The following NCKAP5 variants were observed in gnomAD, a reference collection of about 807,000 sequenced individuals.
NCKAP5 encodes nck-associated protein 5.
A neutral mutation model predicts 167.0 loss-of-function variants in NCKAP5; 92 were observed. The observed-to-expected ratio is 0.55, with a 90% CI of 0.47 to 0.66. The LOEUF (loss-of-function observed/expected upper bound fraction) is 0.66, where lower values mean the gene tolerates loss of function less well. Ranked by LOEUF, NCKAP5 falls within the 30% of genes least tolerant of loss-of-function variation. The pLI is 0.00. For missense variants in NCKAP5, 2,378 were observed against 2,315.0 expected, an observed-to-expected ratio of 1.03 and a Z score of -0.56; for synonymous variants, 891 against 877.4, an observed-to-expected ratio of 1.02 and a Z score of -0.27.
intron 11 of NCKAP5, among the ~76,000 whole-genome samples, chr2:132,830,687 C>A (rs558501273): frequency 6.6e-6 from 1 of 152,280 alleles, no homozygotes; most frequent in South Asian, 2.1e-4. Flanking sequence ...CTGGGAGTGA[C>A]AAGGGTCCCT....
At chr2:132,790,532 G>T (rs1157570411) in intron 12 of NCKAP5, among the ~76,000 whole-genome samples, 1 of 152,208 alleles carries the variant, frequency 6.6e-6, no homozygotes, top group African/African-American at 2.4e-5. Flanking sequence ...CAGAATGGTT[G>T]TATGGGTGCT....
At chr2:133,357,586 AATGGGTTTGC>A (rs1226227290) in intron 3 of NCKAP5, among the ~76,000 whole-genome samples, 1 of 152,166 alleles carries the variant, frequency 6.6e-6, no homozygotes, top group African/African-American at 2.4e-5. Flanking sequence ...AAAAGGTACA[AATGGGTTTGC>A]ATGAAGCTTG....
At chr2:133,030,443 G>A (rs1463539686) in intron 6 of NCKAP5, among the ~76,000 whole-genome samples, 4 of 152,168 alleles carry the variant, frequency 2.6e-5, no homozygotes, top group Admixed American at 6.5e-5. Flanking sequence ...TCAGTTCTCA[G>A]AAGAAGGTGT....
At chr2:132,862,709 G>A (rs1410557083) in intron 10 of NCKAP5, among the ~76,000 whole-genome samples, 4 of 148,618 alleles carry the variant, frequency 2.7e-5, no homozygotes, top group African/African-American at 5.0e-5. Context: ...GCCGTCAGCC[G>A]AGATCGTGCC....
intron 16 of NCKAP5, among the ~76,000 whole-genome samples, chr2:132,757,186 C>T (rs1680622599): frequency 6.6e-6 from 1 of 152,158 alleles, no homozygotes; most frequent in South Asian, 2.1e-4. Flanking sequence ...TTATCTGATC[C>T]TGTGCAAAAT....
At chr2:132,895,287 C>T (rs1004061408) in intron 8 of NCKAP5, among the ~76,000 whole-genome samples, 14 of 146,818 alleles carry the variant, frequency 9.5e-5, no homozygotes. Flanking sequence ...GCCGAGATCG[C>T]GTCACTGCAC....
Position 132,721,197 on chromosome 2 carries a change from A to G in NCKAP5, c.5713+4430T>C, listed in dbSNP as rs190527418. On this transcript the variant is annotated intron_variant, in intron 19 of 19. Transcript: ENST00000409261. ...GCGGTGGGTGCCTGTAATCCCAGCT[A>G]CTCGGGAGGCTGAGGCAGGAGAATC... Among the ~76,000 whole-genome samples the G allele has an allele frequency of 6.0e-3, 914 of 152,012 alleles. 6 individuals are homozygous for G. Among genetic ancestry groups the G allele is most frequent in the Middle Eastern group, 0.041 (12 of 294 alleles).
chr2:133,138,335 T>C (rs1434989884), intron 5 of NCKAP5, among the ~76,000 whole-genome samples: 1 of 152,192 alleles, frequency 6.6e-6, no homozygotes, highest in Admixed American at 6.5e-5. Context: ...CAAGAGAAAG[T>C]AAGTTGTTTA....
intron 11 of NCKAP5, among the ~76,000 whole-genome samples, chr2:132,804,458 T>C (rs1023237226): frequency 3.9e-5 from 6 of 152,224 alleles, no homozygotes; most frequent in Admixed American, 3.3e-4. Context: ...TTAATCAAGC[T>C]TTATTTTTGA....
chr2:132,887,551 G>T (rs6731389), intron 8 of NCKAP5, among the ~76,000 whole-genome samples: 5 of 151,926 alleles, frequency 3.3e-5, no homozygotes, highest in Non-Finnish European at 7.4e-5. Context: ...TCTCCACAGC[G>T]CACACCATCT....
chr2:133,479,139 A>C (rs1373500667), intron 3 of NCKAP5, among the ~76,000 whole-genome samples: 2 of 152,196 alleles, frequency 1.3e-5, no homozygotes, highest in African/African-American at 2.4e-5. Context: ...AACAATCAGC[A>C]AGTGTTCTTC....
chr2:133,001,325 T>C (rs933465138), intron 6 of NCKAP5, among the ~76,000 whole-genome samples: 2 of 151,670 alleles, frequency 1.3e-5, no homozygotes, highest in African/African-American at 4.8e-5. Flanking sequence ...GCTCAAGTGA[T>C]TGTCCAGCCT....
At chr2:133,587,196 C>A in the NCKAP5 span, among the ~76,000 whole-genome samples, 3 of 152,250 alleles carry the variant, frequency 2.0e-5, no homozygotes, top group Admixed American at 2.0e-4. Context: ...GCATGAGAGG[C>A]CGGGAGCCAG....
At chr2:132,862,503 A>T (rs1689990178) in intron 10 of NCKAP5, among the ~76,000 whole-genome samples, 1 of 152,226 alleles carries the variant, frequency 6.6e-6, no homozygotes, top group South Asian at 2.1e-4. Flanking sequence ...ACTCATGAGC[A>T]CACATGCCAT....
At chr2:132,785,818 G>T in intron 13 of NCKAP5, 100 bp from the exon 14 acceptor site, 1 of 933,942 alleles carries the variant, frequency 1.1e-6, no homozygotes, top group Non-Finnish European at 1.5e-6. Flanking sequence ...GCTAGTGGTT[G>T]GTAACTATTC....
intron 3 of NCKAP5, among the ~76,000 whole-genome samples, chr2:133,516,879 A>G: frequency 6.6e-6 from 1 of 152,250 alleles, no homozygotes; most frequent in South Asian, 2.1e-4. Flanking sequence ...ATAGCCAACC[A>G]TCAGACTTAG....
chr2:133,380,042 A>C (rs933572898), intron 3 of NCKAP5, among the ~76,000 whole-genome samples: 3 of 152,204 alleles, frequency 2.0e-5, no homozygotes, highest in African/African-American at 7.2e-5. Context: ...GGCCCCTTTG[A>C]ATCTCATCCT....
At chr2:133,571,988 A>G (rs1054457637), upstream of NCKAP5, among the ~76,000 whole-genome samples, 22 of 148,752 alleles carry the variant, frequency 1.5e-4, no homozygotes, top group Non-Finnish European at 3.1e-4. Context: ...AAAAAAAAAA[A>G]CCCAGAACCA....
At chr2:133,135,730 G>A (rs1490049264) in intron 5 of NCKAP5, among the ~76,000 whole-genome samples, 2 of 152,078 alleles carry the variant, frequency 1.3e-5, no homozygotes, top group Admixed American at 6.6e-5. Flanking sequence ...ACTGCTTTAA[G>A]CCAGTTTCCT....
Sources: allele counts gnomAD v4.1 joint callset (sites outside exome capture counted in the v4.1 genomes callset), GRCh38; gene constraint gnomAD v4.1.1; transcripts MANE v1.5; gene names NCBI Gene and HGNC (gene_info 2026-07-23, HGNC 2026-07-21).